Variants in PRKG1 observed in about 807,000 individuals in gnomAD.
The protein encoded by PRKG1 is cGMP-dependent protein kinase 1.
Under a neutral mutation model 88.1 loss-of-function variants are expected in PRKG1, and 35 were observed. The observed-to-expected ratio is 0.40, with a 90% CI of 0.30 to 0.53. PRKG1 has a LOEUF of 0.53. PRKG1 is among the 20% of genes least tolerant of loss of function. PRKG1 has a pLI of 0.59. For synonymous variants in PRKG1, 303 were observed against 292.5 expected, an observed-to-expected ratio of 1.04 and a Z score of -0.37; for missense variants, 540 against 839.8, an observed-to-expected ratio of 0.64 and a Z score of 4.41.
Position 51,970,737 on chromosome 10 carries a change from T to TGA in PRKG1, c.762+63167_762+63168insGA, listed in dbSNP as rs1554862303. On this transcript the variant is annotated intron_variant, in intron 5 of 17. Coordinates refer to ENST00000373980, the MANE Select transcript of PRKG1 (RefSeq NM_006258.4). Reference sequence around the variant, plus strand: ...ATATATATATATCAGATATATCAGATTATATATATATATCAGATATATCAG... The same window carrying TGA: ...ATATATATATATCAGATATATCAGATGATATATATATATATCAGATATATCAG... Among the ~76,000 whole-genome samples, 146 of 124,428 alleles carry TGA rather than the reference T, an allele frequency of 1.2e-3. 4 individuals carry two copies. The highest frequency in any genetic ancestry group is 4.0e-3 in the African/African-American group (87 of 21,616). The allele number at this position is 124,428 out of a possible 152,430, so 81.6% of individuals were successfully genotyped here.
In PRKG1 at chr10:51,561,094, A is replaced by AAAAAG. The variant is rs757376776; in HGVS notation, c.592+93273_592+93277dup. Among the ~76,000 whole-genome samples, 11 of 152,076 alleles carry AAAAAG rather than the reference A, an allele frequency of 7.2e-5. No individual in the cohort carries two copies. In the Middle Eastern group the frequency reaches 0.01, roughly 141 times the overall value. On this transcript the variant is annotated intron_variant, in intron 3 of 17. Transcript: ENST00000373980. ...AGACCCTGTATCTAAAAAAAAGAAGAAAAAGAAAAGAAAAGAAAAAGAAAA... is the reference window on the plus strand; with the variant it reads ...AGACCCTGTATCTAAAAAAAAGAAGAAAAAGAAAAGAAAAGAAAAGAAAAAGAAAA...
Position 51,261,357 on chromosome 10 carries a change from TATTATGATATAGTTGC to T in PRKG1, c.478+108029_478+108044del, listed in dbSNP as rs1478826334. On this transcript the variant is annotated intron_variant, in intron 2 of 17. Transcript: ENST00000373980. ...TTCTCCAGATTAATTTTGTTTGGGGTATTATGATATAGTTGCAAGGAAAAAAGTACTCATCACATCC... is the reference window on the plus strand; with the variant it reads ...TTCTCCAGATTAATTTTGTTTGGGGTAAGGAAAAAAGTACTCATCACATCC... Among the ~76,000 whole-genome samples the T allele has an allele frequency of 2.0e-5, 3 of 152,336 alleles. No homozygotes were observed. The East Asian group carries it at 5.8e-4, about 29-fold the overall frequency.
chr10:51,040,378 G>T (rs1218010389), intron 1 of PRKG1, among the ~76,000 whole-genome samples: 2 of 133,236 alleles, frequency 1.5e-5, no homozygotes, highest in Non-Finnish European at 3.1e-5. Context: ...GAGTGCAATG[G>T]TGCAATCTCG....
chr10:51,540,548 A>G (rs192501765), intron 3 of PRKG1, among the ~76,000 whole-genome samples: 5 of 152,334 alleles, frequency 3.3e-5, no homozygotes, highest in East Asian at 1.9e-4. Context: ...TAATATACAT[A>G]TAATTACAGA....
intron 4 of PRKG1, among the ~76,000 whole-genome samples, chr10:51,861,410 T>C (rs531280906): frequency 1.8e-4 from 27 of 152,372 alleles, no homozygotes; most frequent in Non-Finnish European, 3.2e-4. Flanking sequence ...CAGGTAGTTA[T>C]AAAAAATCAT....
At chr10:51,729,754 G>T (rs1842228074) in intron 3 of PRKG1, among the ~76,000 whole-genome samples, 1 of 127,496 alleles carries the variant, frequency 7.8e-6, no homozygotes, top group African/African-American at 3.0e-5. Flanking sequence ...AAATTGAGAA[G>T]CCATAGGCCG....
At chr10:51,537,056 A>G (rs1490272986) in intron 3 of PRKG1, among the ~76,000 whole-genome samples, 5 of 152,166 alleles carry the variant, frequency 3.3e-5, no homozygotes, top group Non-Finnish European at 7.4e-5. Context: ...GTAGATGTCC[A>G]GGTCCACTCT....
chr10:52,245,203 G>A (rs949782208), intron 9 of PRKG1, among the ~76,000 whole-genome samples: 7 of 151,738 alleles, frequency 4.6e-5, no homozygotes, highest in African/African-American at 1.5e-4. Flanking sequence ...CTTTCTCAAT[G>A]TTCTTACTCC....
intron 2 of PRKG1, among the ~76,000 whole-genome samples, chr10:51,258,090 AC>A (rs1322544787): frequency 2.0e-5 from 3 of 152,142 alleles, no homozygotes; most frequent in African/African-American, 2.4e-5. Context: ...CTTATGGATG[AC>A]CACGAAGCAC....
At chr10:51,447,505 A>G (rs1239869852) in intron 2 of PRKG1, among the ~76,000 whole-genome samples, 1 of 152,162 alleles carries the variant, frequency 6.6e-6, no homozygotes, top group Non-Finnish European at 1.5e-5. Flanking sequence ...GAAATATTAC[A>G]CTAAACTGCT....
At chr10:51,035,341 G>C (rs939187378) in intron 1 of PRKG1, among the ~76,000 whole-genome samples, 3 of 152,132 alleles carry the variant, frequency 2.0e-5, no homozygotes, top group African/African-American at 7.2e-5. Context: ...GACAACTATA[G>C]ATCTTAGAGC....
At chr10:51,595,878 AG>A (rs1838433461) in intron 3 of PRKG1, among the ~76,000 whole-genome samples, 3 of 151,986 alleles carry the variant, frequency 2.0e-5, no homozygotes, top group Non-Finnish European at 4.4e-5. Context: ...TCTGTCACCC[AG>A]GCTGGAGTGC....
intron 4 of PRKG1, among the ~76,000 whole-genome samples, chr10:51,888,318 T>C (rs1589390613): frequency 6.6e-6 from 1 of 152,342 alleles, no homozygotes; most frequent in Admixed American, 6.5e-5. Context: ...TCAAAGAGCA[T>C]ATTGGCATCT....
intron 3 of PRKG1, among the ~76,000 whole-genome samples, chr10:51,576,399 A>C (rs915768167): frequency 3.9e-5 from 6 of 151,970 alleles, no homozygotes; most frequent in Non-Finnish European, 7.4e-5. Context: ...CTCTATATAA[A>C]AGGATTGATA....
rs553361528 is a variant in PRKG1 at position 51,472,570 on chromosome 10, G to T, written c.592+4734G>T. Among the ~76,000 whole-genome samples the T allele has an allele frequency of 3.3e-5, 5 of 152,030 alleles. No homozygotes were observed. In the East Asian group the frequency reaches 9.7e-4, roughly 29 times the overall value. On this transcript the variant is annotated intron_variant, in intron 3 of 17. Transcript: ENST00000373980. ...CATTGATGAAGTTCTTATAATAGCT[G>T]CAAACCTGGGAAATTTCTTAAGATG...
chr10:52,178,524 G>A (rs559772180), intron 9 of PRKG1, among the ~76,000 whole-genome samples: 1 of 151,908 alleles, frequency 6.6e-6, no homozygotes, highest in African/African-American at 2.4e-5. Flanking sequence ...GCTCGATGGT[G>A]TACTTTAAAT....
intron 2 of PRKG1, among the ~76,000 whole-genome samples, chr10:51,334,080 G>T (rs933756167): frequency 4.6e-5 from 7 of 150,930 alleles, no homozygotes; most frequent in South Asian, 4.2e-4. Flanking sequence ...TCTTGCCTCT[G>T]GTCTTCTTCC....
At chr10:51,355,788 G>C (rs940550445) in intron 2 of PRKG1, among the ~76,000 whole-genome samples, 2 of 151,948 alleles carry the variant, frequency 1.3e-5, no homozygotes, top group African/African-American at 4.8e-5. Flanking sequence ...TTTAATGTGG[G>C]TGGCTGGTCT....
chr10:51,003,429 T>C (rs891707238), intron 1 of PRKG1, among the ~76,000 whole-genome samples: 1 of 152,218 alleles, frequency 6.6e-6, no homozygotes, highest in African/African-American at 2.4e-5. Context: ...AGACAGGCTG[T>C]GGAATCTCTG....
Sources: allele counts gnomAD v4.1 joint callset (sites outside exome capture counted in the v4.1 genomes callset), GRCh38; gene constraint gnomAD v4.1.1; transcripts MANE v1.5; gene names NCBI Gene and HGNC (gene_info 2026-07-23, HGNC 2026-07-21).